The following UNC13A variants were observed in gnomAD, a reference collection of about 807,000 sequenced individuals.
UNC13A encodes the protein unc-13 homolog A, also known as protein unc-13 homolog A.
A neutral mutation model predicts 219.7 loss-of-function variants in UNC13A; 61 were observed. The ratio of observed to expected loss-of-function variants is 0.28; its 90% CI spans 0.23 to 0.34. The LOEUF is 0.34. Ranked by LOEUF, UNC13A falls within the 10% of genes least tolerant of loss-of-function variation. The pLI is 1.00. For synonymous variants in UNC13A, 920 were observed against 884.6 expected (o/e 1.04, Z -0.71); for missense variants, 1,476 against 2,270.3 (o/e 0.65, Z 7.11).
intron 4 of UNC13A, 23 bp downstream of exon 4, chr19:17,672,355 C>T: frequency 6.2e-7 from 1 of 1,605,720 alleles, no homozygotes; most frequent in Non-Finnish European, 8.5e-7. Context: ...TCCTTCTTCA[C>T]CCTCAGGCCA....
rs548226320 is a variant in UNC13A at position 17,646,263 on chromosome 19, T to TTTTGTGTG, written c.2045-160_2045-153dup. 3.0e-3 allele frequency among the ~76,000 whole-genome samples: 410 copies of TTTTGTGTG among 135,370 alleles called. 2 individuals carry two copies. The highest frequency in any genetic ancestry group is 5.1e-3 in the Non-Finnish European group (313 of 61,408). The allele number at this position is 135,370 out of a possible 152,430, so 88.8% of individuals were successfully genotyped here. A position where few individuals can be genotyped will look rare whatever the true frequency, so the allele number is the denominator to read the frequency against. On this transcript the variant is annotated intron_variant, in intron 17 of 43. Coordinates refer to ENST00000519716, the MANE Select transcript of UNC13A (RefSeq NM_001080421.3). ...GCACGCTGGGCTTGCCAGAGAGGTT[T>TTTTGTGTG]TTTGTGTGTTTGTTTGTTTGTTTGT...
chr19:17,661,419 C>A (rs1381641992), intron 8 of UNC13A, among the ~76,000 whole-genome samples: 1 of 152,054 alleles, frequency 6.6e-6, no homozygotes, highest in Non-Finnish European at 1.5e-5. Flanking sequence ...ACTGGCCAGG[C>A]ATGGTAGCTC....
Position 17,647,359 on chromosome 19 carries a change from C to G in UNC13A, c.1950G>C (p.Ala650=), listed in dbSNP as rs369056957. 3 of 1,613,448 alleles carry G rather than the reference C, an allele frequency of 1.9e-6. No individual in the cohort carries two copies. Among genetic ancestry groups the G allele is most frequent in the South Asian group, 2.2e-5 (2 of 91,042 alleles). Residue 650 remains alanine (A), a synonymous_variant, in exon 17 of 44, where the codon GCG becomes GCC. Transcript: ENST00000519716. ...GCTGCGTGTGCGCCGTCTTGGTCAC[C>G]GCGAAGATCTCCTGGATGAGCTCGA... The part of the protein sequence containing the change: ...EIFELIQEIF[A]VTKTAHTQQM...
Position 17,655,392 on chromosome 19 carries a change from G to A in UNC13A, c.1284-10C>T. The A allele has an allele frequency of 1.3e-6, 2 of 1,562,976 alleles. No individual in the cohort carries two copies. The highest frequency in any genetic ancestry group is 1.7e-6 in the Non-Finnish European group (2 of 1,153,554). On this transcript the variant is annotated splice_polypyrimidine_tract_variant and intron_variant, in intron 10 of 43. Transcript: ENST00000519716. ...CTCTCTCGGCCTGAAACTGAGGCAG[G>A]GAACGCTATGAGGCTCTGGGCTGGC...
chr19:17,685,934 C>T (rs1381051412), intron 1 of UNC13A, among the ~76,000 whole-genome samples: 2 of 151,930 alleles, frequency 1.3e-5, no homozygotes, highest in Non-Finnish European at 2.9e-5. Context: ...GCTCAGCCAT[C>T]CCAGCCCCTC....
At chr19:17,618,358 T>G in intron 40 of UNC13A, 63 bp downstream of exon 40, 1 of 1,517,824 alleles carries the variant, frequency 6.6e-7, no homozygotes, top group Non-Finnish European at 9.0e-7. Flanking sequence ...CCTAAGTCCA[T>G]GACCACAGCA....
chr19:17,663,709 T>A, intron 7 of UNC13A, 142 bp from the exon 8 acceptor site: 2 of 768,334 alleles, frequency 2.6e-6, no homozygotes, highest in Non-Finnish European at 4.4e-6. Context: ...CTTCCCTGAG[T>A]ATCACCTTCA....
rs373832872 is a variant in UNC13A at position 17,618,856 on chromosome 19, A to G, written c.4329+50T>C. On this transcript the variant is annotated intron_variant, in intron 39 of 43. Coordinates refer to ENST00000519716, the MANE Select transcript of UNC13A (RefSeq NM_001080421.3). ...AGGATGGTGGCAACCTGGAAGCCAC[A>G]TGAGTTTGGGGGGCAGTCCCTCACG... 3.2e-4 allele frequency: 513 copies of G among 1,583,276 alleles called. 2 individuals carry two copies. Among genetic ancestry groups the G allele is most frequent in the Middle Eastern group, 1.7e-4 (1 of 6,010 alleles).
intron 42 of UNC13A, 86 bp downstream of exon 42, chr19:17,611,677 A>G: frequency 7.9e-7 from 1 of 1,264,500 alleles, no homozygotes; most frequent in East Asian, 2.4e-5. Flanking sequence ...AAACAACAAC[A>G]ACAAAAAAAG....
At chr19:17,637,514 G>A (rs1264303700) in intron 25 of UNC13A, among the ~76,000 whole-genome samples, 1 of 151,722 alleles carries the variant, frequency 6.6e-6, no homozygotes, top group African/African-American at 2.4e-5. Context: ...TAGCCAGGAT[G>A]GTCTCGATCT....
intron 8 of UNC13A, among the ~76,000 whole-genome samples, chr19:17,660,823 G>A (rs966757140): frequency 2.0e-5 from 3 of 151,900 alleles, no homozygotes; most frequent in Non-Finnish European, 4.4e-5. Flanking sequence ...GAGCTGCCAC[G>A]CCTGGTCTAT....
chr19:17,655,459 A>G (rs912635008), intron 10 of UNC13A, 77 bp from the exon 11 acceptor site: 2 of 1,156,694 alleles, frequency 1.7e-6, no homozygotes, highest in Non-Finnish European at 2.5e-6. Flanking sequence ...CCAGCTGTGC[A>G]AGTGATGCAT....
Position 17,647,359 on chromosome 19 carries a change from C to A in UNC13A, c.1950G>T (p.Ala650=), listed in dbSNP as rs369056957. 1 of 1,613,448 alleles carries A rather than the reference C, an allele frequency of 6.2e-7. No homozygotes were observed. Among genetic ancestry groups the A allele is most frequent in the Non-Finnish European group, 8.5e-7 (1 of 1,179,748 alleles). The stretch of plus-strand genomic sequence containing the variant: ...GCTGCGTGTGCGCCGTCTTGGTCAC[C>A]GCGAAGATCTCCTGGATGAGCTCGA... ...EIFELIQEIF[A]VTKTAHTQQM... The change falls in exon 17 of 44, where the codon GCG becomes GCT. Residue 650 remains alanine, a synonymous_variant. Transcript: ENST00000519716.
intron 6 of UNC13A, among the ~76,000 whole-genome samples, chr19:17,667,287 T>C (rs927458353): frequency 2.9e-4 from 44 of 149,672 alleles, no homozygotes; most frequent in African/African-American, 3.4e-4. Context: ...ACAGTAGACA[T>C]TGGGGACTCC....
In UNC13A at chr19:17,650,631, C is replaced by T. The variant is rs1329330130; in HGVS notation, c.1440-1044G>A. 2.6e-5 allele frequency among the ~76,000 whole-genome samples: 4 copies of T among 152,044 alleles called. No individual in the cohort carries two copies. In the East Asian group the frequency reaches 5.8e-4, roughly 22 times the overall value. ...TAGCTGGGATTACAGGTGCCCACCA[C>T]AACGCCTGGCTAATTTTTGTATTTT... On this transcript the variant is annotated intron_variant, in intron 12 of 43. Transcript: ENST00000519716.
At chr19:17,664,817 G>A (rs10421060) in intron 7 of UNC13A, among the ~76,000 whole-genome samples, 37,546 of 152,024 alleles carry the variant, frequency 0.25, 5,453 homozygotes, top group African/African-American at 0.4. Context: ...CCTCAACCCC[G>A]GTTCCATTAC....
At chr19:17,672,605 G>A in intron 3 of UNC13A, 110 bp from the exon 4 acceptor site, 1 of 782,296 alleles carries the variant, frequency 1.3e-6, no homozygotes, top group Non-Finnish European at 2.0e-6. Context: ...TTCAAACCTA[G>A]GCCTGGGAGT....
At chr19:17,645,015 T>TTTA (rs1455489418) in intron 19 of UNC13A, among the ~76,000 whole-genome samples, 1 of 148,650 alleles carries the variant, frequency 6.7e-6, no homozygotes, top group African/African-American at 2.5e-5. Flanking sequence ...GATTCTTTTT[T>TTTA]TTTTTTTTTT....
chr19:17,686,304 C>A (rs1164868222), intron 1 of UNC13A, among the ~76,000 whole-genome samples: 1 of 18,210 alleles, frequency 5.5e-5, no homozygotes, highest in African/African-American at 4.2e-4. Context: ...CCCCGCCCCC[C>A]CCCCCCCCCC....
Sources: allele counts gnomAD v4.1 joint callset (sites outside exome capture counted in the v4.1 genomes callset), GRCh38; gene constraint gnomAD v4.1.1; transcripts MANE v1.5; gene names NCBI Gene and HGNC (gene_info 2026-07-23, HGNC 2026-07-21).